The following ESR1 variants were observed in gnomAD, a reference collection of about 807,000 sequenced individuals.
The protein encoded by ESR1 is estrogen receptor.
Under a neutral mutation model 52.7 loss-of-function variants are expected in ESR1, and 12 were observed. The ratio of observed to expected loss-of-function variants is 0.23; its 90% confidence interval spans 0.15 to 0.37. The LOEUF (loss-of-function observed/expected upper bound fraction) is 0.37. Ranked by LOEUF, ESR1 falls within the 10% of genes least tolerant of loss-of-function variation. The pLI is 1.00. For missense variants in ESR1, 584 were observed against 779.7 expected (o/e 0.75, Z 2.99); for synonymous variants, 305 against 316.8 (o/e 0.96, Z 0.39).
chr6:151,915,299 AT>A (rs1320050985), intron 3 of ESR1, among the ~76,000 whole-genome samples: 1 of 152,178 alleles, frequency 6.6e-6, no homozygotes, highest in Non-Finnish European at 1.5e-5. Context: ...AATGCATGGA[AT>A]TCTGCTTATT....
chr6:151,793,576 T>A (rs1776410708), intron 2 of ESR1, among the ~76,000 whole-genome samples: 1 of 152,226 alleles, frequency 6.6e-6, no homozygotes, highest in African/African-American at 2.4e-5. Context: ...TAGGTTTGCT[T>A]ACACCAGCAT....
rs2046873359 is a variant in ESR1, at chr6:152,053,697, C to T, written c.1236-7294C>T. 6.6e-6 allele frequency among the ~76,000 whole-genome samples: 1 copy of T among 151,810 alleles called. No homozygotes were observed. Among genetic ancestry groups the T allele is most frequent in the Non-Finnish European group, 1.5e-5 (1 of 67,922 alleles). ...CTTCCCTAGTGAGCTCACTTGCTTT[C>T]CCAGTTTCAGTGATTTCTATTCAGA... On this transcript the variant is annotated intron_variant, in intron 5 of 7. Coordinates refer to ENST00000206249, the MANE Select transcript of ESR1 (RefSeq NM_000125.4). The surrounding 1 kb of genome is among the most constrained non-coding windows in gnomAD (Gnocchi z 4.1).
chr6:151,704,340 C>T lies in ESR1; in HGVS notation c.-71+2335C>T, dbSNP rs117005935. Reference sequence around the variant, plus strand: ...GCAACCTCTGCCTCCCCGGTTCAAGCGATTTTTCCTGCCTCAGCCTCCCAA... The same window carrying T: ...GCAACCTCTGCCTCCCCGGTTCAAGTGATTTTTCCTGCCTCAGCCTCCCAA... On this transcript the variant is annotated intron_variant, in intron 2 of 2. Coordinates refer to the ESR1 transcript ENST00000404742. 8.5e-4 allele frequency among the ~76,000 whole-genome samples: 130 copies of T among 152,250 alleles called. No homozygotes were observed. In the East Asian group the frequency reaches 0.023, roughly 27 times the overall value.
intron 5 of ESR1, among the ~76,000 whole-genome samples, chr6:152,059,391 T>C (rs748010734): frequency 2.0e-5 from 3 of 151,978 alleles, no homozygotes; most frequent in Non-Finnish European, 4.4e-5. Context: ...GTTCGATAAA[T>C]TTAATTCTCT....
At chr6:152,071,708 T>C (rs1183901041) in intron 6 of ESR1, among the ~76,000 whole-genome samples, 1 of 152,242 alleles carries the variant, frequency 6.6e-6, no homozygotes, top group Non-Finnish European at 1.5e-5. Context: ...AATAAGATTT[T>C]AAATAACTAT....
At chr6:152,064,880 A>G (rs2047844187) in intron 6 of ESR1, among the ~76,000 whole-genome samples, 1 of 152,174 alleles carries the variant, frequency 6.6e-6, no homozygotes, top group Non-Finnish European at 1.5e-5. Flanking sequence ...CATGCTCTTC[A>G]GTGCTCCACA....
At position 152,122,532 on chromosome 6, in the gene ESR1, T is replaced by C. The variant is rs200880341; in HGVS notation, c.851-2734T>C. 1.6e-4 allele frequency: 254 copies of C among 1,614,110 alleles called. No individual in the cohort carries two copies. In the East Asian group the frequency reaches 4.2e-3, roughly 27 times the overall value. On this transcript the variant is annotated intron_variant, in intron 6 of 6. Transcript: ENST00000427531. Reference sequence around the variant, plus strand: ...CACAGCTGTAGTCTTCCTCTGACATTGGTACAAGGCAGGCAAGCCCGATGA... The same window carrying C: ...CACAGCTGTAGTCTTCCTCTGACATCGGTACAAGGCAGGCAAGCCCGATGA...
At chr6:151,686,064 ATTT>A (rs557270210), upstream of ESR1, among the ~76,000 whole-genome samples, 7,653 of 114,296 alleles carry the variant, frequency 0.067, 344 homozygotes, top group East Asian at 0.37. Context: ...AATTAAAACA[ATTT>A]TTTTTTTTTT....
intron 5 of ESR1, among the ~76,000 whole-genome samples, chr6:152,057,457 A>G (rs2047189179): frequency 6.6e-6 from 1 of 152,160 alleles, no homozygotes; most frequent in South Asian, 2.1e-4. Context: ...TTTTATTCTT[A>G]AGAATATATC....
intron 3 of ESR1, among the ~76,000 whole-genome samples, chr6:151,924,368 G>C (rs1049098534): frequency 6.6e-6 from 1 of 152,108 alleles, no homozygotes; most frequent in Non-Finnish European, 1.5e-5. Flanking sequence ...AAAAAATATT[G>C]AGGATATTTT....
chr6:152,082,771 G>T (rs2049338608), intron 6 of ESR1, among the ~76,000 whole-genome samples: 1 of 152,154 alleles, frequency 6.6e-6, no homozygotes, highest in Non-Finnish European at 1.5e-5. Flanking sequence ...AAAGTCTCAG[G>T]ATACAAAATC....
chr6:151,936,710 C>T (rs886173120), intron 3 of ESR1, among the ~76,000 whole-genome samples: 1 of 152,124 alleles, frequency 6.6e-6, no homozygotes, highest in Non-Finnish European at 1.5e-5. Flanking sequence ...CCTTGGACAT[C>T]AATCAGTGCA....
chr6:151,697,293 A>G (rs1040346019), intron 1 of ESR1, among the ~76,000 whole-genome samples: 1 of 152,230 alleles, frequency 6.6e-6, no homozygotes, highest in African/African-American at 2.4e-5. Context: ...GGTTGTAAAG[A>G]TTTTGTTTCA....
At chr6:151,786,534 A>G (rs1025743681) in intron 2 of ESR1, among the ~76,000 whole-genome samples, 1 of 152,220 alleles carries the variant, frequency 6.6e-6, no homozygotes. Flanking sequence ...TTAAATGTCA[A>G]CAACAAACAA....
intron 2 of ESR1, among the ~76,000 whole-genome samples, chr6:151,858,312 C>T (rs1383978576): frequency 1.3e-5 from 2 of 152,170 alleles, no homozygotes; most frequent in Admixed American, 1.3e-4. Context: ...GCTGGCCTGA[C>T]CAGCAAGGGT....
At chr6:151,773,422 A>G (rs1269365444) in intron 2 of ESR1, among the ~76,000 whole-genome samples, 1 of 152,196 alleles carries the variant, frequency 6.6e-6, no homozygotes, top group African/African-American at 2.4e-5. Context: ...TGTTCCAGCA[A>G]CCTTGGGAAA....
At chr6:151,899,353 A>G (rs1584058810) in intron 3 of ESR1, among the ~76,000 whole-genome samples, 1 of 86,144 alleles carries the variant, frequency 1.2e-5, no homozygotes. Flanking sequence ...CGGGGGGCTG[A>G]CCCCCCCACC....
At chr6:151,780,429 T>C (rs1034642635) in intron 2 of ESR1, among the ~76,000 whole-genome samples, 10 of 152,160 alleles carry the variant, frequency 6.6e-5, no homozygotes, top group African/African-American at 2.4e-4. Context: ...CATCTTCTCA[T>C]GTTTTCTTAT....
intron 3 of ESR1, among the ~76,000 whole-genome samples, chr6:151,916,852 A>G (rs1035966894): frequency 1.3e-5 from 2 of 152,328 alleles, no homozygotes; most frequent in African/African-American, 4.8e-5. Context: ...AGAGATGTCT[A>G]ATATATTTAA....
Sources: gnomAD v4.1 joint callset for allele counts (sites outside exome capture counted in the v4.1 genomes callset) on GRCh38, gnomAD v4.1.1 for gene constraint, Gnocchi (gnomAD v3.1) non-coding constraint, MANE v1.5 for transcripts, NCBI Gene and HGNC (gene_info 2026-07-23, HGNC 2026-07-21) for gene names.